The following SLC9A9 variants were observed in gnomAD, a reference collection of about 807,000 sequenced individuals.
SLC9A9 encodes the protein sodium/hydrogen exchanger 9.
A neutral mutation model predicts 77.8 loss-of-function variants in SLC9A9; 62 were observed. The observed-to-expected ratio is 0.80, with a 90% CI of 0.65 to 0.98. The LOEUF (loss-of-function observed/expected upper bound fraction) is 0.98. SLC9A9 is among the 50% of genes least tolerant of loss of function. SLC9A9 has a pLI of 0.00. For synonymous variants in SLC9A9, 320 were observed against 283.5 expected (o/e 1.13, Z -1.29); for missense variants, 775 against 774.9 (o/e 1.00, Z 0.00).
chr3:143,493,782 G>A lies in SLC9A9; in HGVS notation c.1204-18C>T. The A allele has an allele frequency of 1.3e-6, 2 of 1,537,986 alleles. No individual in the cohort carries two copies. Among genetic ancestry groups the A allele is most frequent in the South Asian group, 2.2e-5 (2 of 89,524 alleles). On this transcript the variant is annotated intron_variant, in intron 10 of 15. Coordinates refer to ENST00000316549, the MANE Select transcript of SLC9A9 (RefSeq NM_173653.4). ...ATTGCTAGCTGTAGATAAGCACAGG[G>A]AAACATTGAGGAAAGTGTTGCTGCA...
At chr3:143,381,784 C>A (rs13099124) in intron 13 of SLC9A9, among the ~76,000 whole-genome samples, 29,015 of 152,188 alleles carry the variant, frequency 0.19, 2,984 homozygotes, top group Middle Eastern at 0.25. Context: ...CTATGAAGTG[C>A]CTCATTCCAA....
At chr3:143,420,433 C>T (rs1182672038) in intron 12 of SLC9A9, among the ~76,000 whole-genome samples, 1 of 152,138 alleles carries the variant, frequency 6.6e-6, no homozygotes, top group Non-Finnish European at 1.5e-5. Context: ...AGTCATCTAC[C>T]ATCCTAGTTC....
intron 1 of SLC9A9, among the ~76,000 whole-genome samples, chr3:143,843,415 C>T (rs1303229487): frequency 6.6e-6 from 1 of 152,168 alleles, no homozygotes; most frequent in Non-Finnish European, 1.5e-5. Flanking sequence ...TCTTGAAAAA[C>T]TTGGTGTTGA....
chr3:143,435,300 AC>A (rs1391480570), intron 12 of SLC9A9, among the ~76,000 whole-genome samples: 7 of 152,142 alleles, frequency 4.6e-5, no homozygotes, highest in African/African-American at 1.7e-4. Context: ...AACCCAATTC[AC>A]CTGATTCTCT....
intron 8 of SLC9A9, among the ~76,000 whole-genome samples, chr3:143,571,034 C>T (rs372834435): frequency 1.3e-5 from 2 of 152,184 alleles, no homozygotes; most frequent in South Asian, 4.1e-4. Context: ...TGTGATATCC[C>T]AATTTCTGAA....
Position 143,265,775 on chromosome 3 carries a change from C to T in SLC9A9, c.*927G>A. On this transcript the variant is annotated 3_prime_UTR_variant, in exon 16 of 16. Transcript: ENST00000316549. Reference sequence around the variant, plus strand: ...CTGTTCCTCTCGCCCTGCTCCTGCACTGCTCATCAGCTGTGAATGCTGGAA... The same window carrying T: ...CTGTTCCTCTCGCCCTGCTCCTGCATTGCTCATCAGCTGTGAATGCTGGAA... 1 of 547,584 alleles carries T rather than the reference C, an allele frequency of 1.8e-6. No homozygotes were observed. Among genetic ancestry groups the T allele is most frequent in the South Asian group, 2.7e-5 (1 of 36,864 alleles). The allele number at this position is 547,584 out of a possible 1,614,324, so 33.9% of individuals were successfully genotyped here.
intron 6 of SLC9A9, among the ~76,000 whole-genome samples, chr3:143,604,116 T>C (rs796738235): frequency 3.3e-5 from 5 of 152,360 alleles, no homozygotes; most frequent in African/African-American, 9.6e-5. Flanking sequence ...ATGCTCTGAA[T>C]AAAATTTAGT....
At chr3:143,299,792 A>G (rs1559857951) in intron 14 of SLC9A9, among the ~76,000 whole-genome samples, 1 of 152,104 alleles carries the variant, frequency 6.6e-6, no homozygotes. Context: ...GCTCCTGGTT[A>G]TGGGCCCATA....
intron 14 of SLC9A9, among the ~76,000 whole-genome samples, chr3:143,286,041 A>C (rs1037342342): frequency 1.3e-5 from 2 of 152,168 alleles, no homozygotes; most frequent in African/African-American, 4.8e-5. Flanking sequence ...CAGGGTTAGT[A>C]ATATGCCCAG....
chr3:143,492,531 C>A (rs939679849), intron 11 of SLC9A9, among the ~76,000 whole-genome samples: 7 of 152,146 alleles, frequency 4.6e-5, no homozygotes, highest in Non-Finnish European at 7.3e-5. Flanking sequence ...GCAAAACAAG[C>A]CTTTTACTGC....
intron 14 of SLC9A9, among the ~76,000 whole-genome samples, chr3:143,300,875 G>C (rs2030488389): frequency 6.6e-6 from 1 of 152,294 alleles, no homozygotes; most frequent in East Asian, 1.9e-4. Flanking sequence ...CCTTCAAATA[G>C]GTCCCCTTTT....
In SLC9A9 at chr3:143,815,388, C is replaced by G. The variant is rs139473846; in HGVS notation, c.378+16631G>C. Among the ~76,000 whole-genome samples, 1,080 of 152,200 alleles carry G rather than the reference C, an allele frequency of 7.1e-3. 12 individuals carry two copies. Among genetic ancestry groups the G allele is most frequent in the African/African-American group, 0.025 (1,026 of 41,512 alleles). The stretch of plus-strand genomic sequence containing the variant: ...TTAGGCCATCAAAGGGAGAAGCTGC[C>G]TTAGAGGCCACTAGTTGGGGAGAAG... On this transcript the variant is annotated intron_variant, in intron 2 of 15. Coordinates refer to ENST00000316549, the MANE Select transcript of SLC9A9 (RefSeq NM_173653.4).
intron 4 of SLC9A9, among the ~76,000 whole-genome samples, chr3:143,694,320 C>G (rs1933564578): frequency 6.6e-6 from 1 of 152,092 alleles, no homozygotes; most frequent in Non-Finnish European, 1.5e-5. Flanking sequence ...TAAATCCAGG[C>G]TCTACTATCT....
intron 4 of SLC9A9, among the ~76,000 whole-genome samples, chr3:143,716,573 G>A (rs1275214017): frequency 1.3e-5 from 2 of 152,138 alleles, no homozygotes; most frequent in African/African-American, 4.8e-5. Flanking sequence ...CCTTTCAGGA[G>A]GTTGTGAGAA....
At chr3:143,323,252 A>G (rs1456735977) in intron 14 of SLC9A9, among the ~76,000 whole-genome samples, 1 of 152,372 alleles carries the variant, frequency 6.6e-6, no homozygotes, top group Middle Eastern at 3.4e-3. Context: ...GAAGAAATCA[A>G]TATATCAGAA....
intron 6 of SLC9A9, chr3:143,620,429 T>G (rs2038182021): frequency 6.6e-6 from 1 of 152,336 alleles, no homozygotes; most frequent in Non-Finnish European, 1.5e-5. Context: ...GGGGCTGGGC[T>G]GTGTTGAGTG....
intron 6 of SLC9A9, among the ~76,000 whole-genome samples, chr3:143,616,612 G>A (rs1165669832): frequency 1.3e-5 from 2 of 152,118 alleles, no homozygotes; most frequent in African/African-American, 2.4e-5. Flanking sequence ...TCATGATGCC[G>A]AGCTGACTTA....
chr3:143,582,931 T>C (rs1329702657), intron 6 of SLC9A9, among the ~76,000 whole-genome samples: 2 of 152,146 alleles, frequency 1.3e-5, no homozygotes, highest in East Asian at 1.9e-4. Flanking sequence ...TGGATTTTGA[T>C]TGCTTGAGTA....
chr3:143,350,739 G>C (rs1307814829), intron 14 of SLC9A9, among the ~76,000 whole-genome samples: 5 of 152,136 alleles, frequency 3.3e-5, no homozygotes, highest in African/African-American at 1.2e-4. Context: ...AGTGGCTCAG[G>C]GCAGGCCTGG....
Sources: gnomAD v4.1 joint callset for allele counts (sites outside exome capture counted in the v4.1 genomes callset) on GRCh38, gnomAD v4.1.1 for gene constraint, MANE v1.5 for transcripts, NCBI Gene and HGNC (gene_info 2026-07-23, HGNC 2026-07-21) for gene names.